Variants in DOCK4 observed in about 807,000 individuals in gnomAD.
DOCK4 encodes dedicator of cytokinesis protein 4.
Under a neutral mutation model 268.1 loss-of-function variants are expected in DOCK4, and 97 were observed. That is an observed-to-expected ratio of 0.36 (90% confidence interval 0.31 to 0.43). DOCK4 has a LOEUF of 0.43. DOCK4 is among the 20% of genes least tolerant of loss of function. DOCK4 has a pLI of 1.00. For missense variants in DOCK4, 2,145 were observed against 2,455.7 expected (o/e 0.87, Z 2.67); for synonymous variants, 954 against 887.2 (o/e 1.08, Z -1.34).
intron 12 of DOCK4, among the ~76,000 whole-genome samples, chr7:111,925,821 C>G (rs1341066717): frequency 6.6e-6 from 1 of 152,184 alleles, no homozygotes; most frequent in African/African-American, 2.4e-5. Context: ...GGCACAGTGG[C>G]TCATGCCTGT....
chr7:112,094,051 T>C (rs1439846571), intron 1 of DOCK4, among the ~76,000 whole-genome samples: 2 of 152,070 alleles, frequency 1.3e-5, no homozygotes, highest in Non-Finnish European at 2.9e-5. Flanking sequence ...TGGCAGCTGA[T>C]TGGCAAATAT....
intron 30 of DOCK4, among the ~76,000 whole-genome samples, chr7:111,805,183 A>T (rs1800583041): frequency 6.6e-6 from 1 of 152,174 alleles, no homozygotes; most frequent in African/African-American, 2.4e-5. Context: ...ACCAGACCTC[A>T]TAGAACTAGG....
chr7:112,184,627 AGTC>A (rs1241106148), intron 1 of DOCK4, among the ~76,000 whole-genome samples: 1 of 151,958 alleles, frequency 6.6e-6, no homozygotes, highest in African/African-American at 2.4e-5. Context: ...CGGCCCTTGG[AGTC>A]AGCTGGTGAC....
At chr7:112,083,528 T>G (rs1171707015) in intron 1 of DOCK4, among the ~76,000 whole-genome samples, 6 of 152,076 alleles carry the variant, frequency 3.9e-5, no homozygotes, top group Non-Finnish European at 5.9e-5. Flanking sequence ...GCAACATCTC[T>G]AATTCTTTTT....
At chr7:111,818,265 A>C (rs1418423014) in intron 27 of DOCK4, among the ~76,000 whole-genome samples, 1 of 152,152 alleles carries the variant, frequency 6.6e-6, no homozygotes, top group Non-Finnish European at 1.5e-5. Context: ...GCCCAAACGC[A>C]CATGTCCAGC....
chr7:112,183,308 A>G (rs1377937326), intron 1 of DOCK4, among the ~76,000 whole-genome samples: 6 of 152,212 alleles, frequency 3.9e-5, no homozygotes, highest in Admixed American at 2.0e-4. Flanking sequence ...TAACAAAGAT[A>G]CTATCAACAA....
intron 23 of DOCK4, among the ~76,000 whole-genome samples, chr7:111,856,468 C>T (rs985950161): frequency 2.0e-5 from 3 of 152,156 alleles, no homozygotes; most frequent in Non-Finnish European, 2.9e-5. Context: ...TTCAAAGATA[C>T]ATCTTTCTAG....
chr7:111,837,693 C>A (rs1803335671), intron 25 of DOCK4, among the ~76,000 whole-genome samples: 1 of 151,980 alleles, frequency 6.6e-6, no homozygotes, highest in African/African-American at 2.4e-5. Context: ...TGTATAAAAT[C>A]TGCACACTGA....
At chr7:112,163,614 T>C (rs1191165255) in intron 1 of DOCK4, among the ~76,000 whole-genome samples, 2 of 152,222 alleles carry the variant, frequency 1.3e-5, no homozygotes. Context: ...ACATAGAGCA[T>C]AGTATAGGCA....
chr7:111,922,731 G>A (rs571505804), intron 12 of DOCK4, among the ~76,000 whole-genome samples: 4 of 152,204 alleles, frequency 2.6e-5, no homozygotes, highest in South Asian at 2.1e-4. Context: ...ACAGGCGTGC[G>A]CCACCACACC....
intron 16 of DOCK4, among the ~76,000 whole-genome samples, chr7:111,892,484 G>T (rs747547156): frequency 7.9e-5 from 12 of 152,218 alleles, no homozygotes; most frequent in Non-Finnish European, 1.0e-4. Flanking sequence ...TTACAGGCAT[G>T]AGCCACTGTG....
At chr7:111,900,331 C>G in intron 15 of DOCK4, 43 bp downstream of exon 15, 1 of 1,597,994 alleles carries the variant, frequency 6.3e-7, no homozygotes, top group Non-Finnish European at 8.5e-7. Flanking sequence ...GCAGGATACT[C>G]CAGCACAATA....
chr7:111,935,700 T>C, intron 11 of DOCK4, 72 bp from the exon 12 acceptor site: 2 of 1,342,196 alleles, frequency 1.5e-6, no homozygotes, highest in Non-Finnish European at 2.1e-6. Context: ...ATAGTACATC[T>C]GCCCTTTTCG....
chr7:112,144,487 T>G (rs1196992244), intron 1 of DOCK4, among the ~76,000 whole-genome samples: 1 of 152,156 alleles, frequency 6.6e-6, no homozygotes, highest in East Asian at 1.9e-4. Flanking sequence ...CACAAAAAAT[T>G]GCCAGCCCAC....
chr7:111,863,319 A>T, intron 23 of DOCK4, 53 bp downstream of exon 23: 1 of 1,603,788 alleles, frequency 6.2e-7, no homozygotes, highest in Non-Finnish European at 8.5e-7. Flanking sequence ...TGGCTACAAA[A>T]TATACAAAAT....
chr7:111,924,042 AAT>A (rs1793386169), intron 12 of DOCK4, among the ~76,000 whole-genome samples: 2 of 152,174 alleles, frequency 1.3e-5, no homozygotes. Context: ...GTAACGCTGA[AAT>A]ATATATACTC....
chr7:111,784,472 C>T lies in DOCK4; in HGVS notation c.3402-349G>A, dbSNP rs143845904. On this transcript the variant is annotated intron_variant, in intron 32 of 52. Transcript: ENST00000428084. ...CTTGTACAGCTGGTATGACGTTTTG[C>T]GTTTTTTCCTTTCACTTAACATTTG... The T allele has an allele frequency of 2.9e-3, 1,489 of 513,370 alleles. 7 individuals are homozygous for T. The highest frequency in any genetic ancestry group is 4.1e-3 in the Non-Finnish European group (1,080 of 264,286). The allele number at this position is 513,370 out of a possible 1,614,324, so 31.8% of individuals were successfully genotyped here.
rs57399750 is a variant in DOCK4 at position 112,189,746 on chromosome 7, G to GTTTT, written c.37+16352_37+16355dup. 3.0e-3 allele frequency among the ~76,000 whole-genome samples: 289 copies of GTTTT among 95,768 alleles called. 10 individuals are homozygous for GTTTT. The highest frequency in any genetic ancestry group is 0.017 in the Middle Eastern group (2 of 116). The allele number at this position is 95,768 out of a possible 152,430, so 62.8% of individuals were successfully genotyped here. ...TGTTTTTATTCTCTGTCTGGGTTTT[G>GTTTT]TTTTTTTTTTTTTTTTTTTTTGAGA... On this transcript the variant is annotated intron_variant, in intron 1 of 52. Transcript: ENST00000428084.
chr7:111,950,216 C>T (rs1371425775), intron 8 of DOCK4, among the ~76,000 whole-genome samples: 1 of 152,210 alleles, frequency 6.6e-6, no homozygotes, highest in Non-Finnish European at 1.5e-5. Flanking sequence ...CATAAGCCAC[C>T]GTGCCTGGCC....
Sources: allele counts gnomAD v4.1 joint callset (sites outside exome capture counted in the v4.1 genomes callset), GRCh38; gene constraint gnomAD v4.1.1; transcripts MANE v1.5; gene names NCBI Gene and HGNC (gene_info 2026-07-23, HGNC 2026-07-21).